Variants in RYR2 observed in about 807,000 individuals in gnomAD.
RYR2 encodes the protein ryanodine receptor 2.
Under a neutral mutation model 601.1 loss-of-function variants are expected in RYR2, and 227 were observed. The observed-to-expected ratio is 0.38, with a 90% CI of 0.34 to 0.42. The LOEUF is 0.42. RYR2 is among the 10% of genes least tolerant of loss of function. The probability of loss-of-function intolerance (pLI) is 1.00; values close to 1 mark genes in which losing one functional copy is unlikely to be tolerated. For synonymous variants in RYR2, 2,223 were observed against 2,175.1 expected (o/e 1.02, Z -0.61); for missense variants, 4,646 against 6,156.5 (o/e 0.75, Z 8.21).
intron 29 of RYR2, among the ~76,000 whole-genome samples, chr1:237,571,046 G>C (rs980195561): frequency 6.6e-6 from 1 of 152,094 alleles, no homozygotes; most frequent in Non-Finnish European, 1.5e-5. Flanking sequence ...AGGATCACTC[G>C]AGTCCAGGGA....
chr1:237,552,301 A>G (rs546872888), intron 27 of RYR2, among the ~76,000 whole-genome samples: 2 of 152,214 alleles, frequency 1.3e-5, no homozygotes, highest in Admixed American at 1.3e-4. Context: ...ATTCTCTGAT[A>G]TAGAATAAAC....
rs551140501 is a variant in RYR2 at position 237,436,454 on chromosome 1, C to CTTTTTTTTTTT, written c.1006-4851_1006-4841dup. On this transcript the variant is annotated intron_variant, in intron 12 of 104. Transcript: ENST00000366574. Reference sequence around the variant, plus strand: ...AGCCGAGGGATAATGTGTGATTTTCCTTTTTTTTTTTTTTTTTTTTTTTTG... The same window carrying CTTTTTTTTTTT: ...AGCCGAGGGATAATGTGTGATTTTCCTTTTTTTTTTTTTTTTTTTTTTTTTTTTTTTTTTTG... 4.7e-4 allele frequency among the ~76,000 whole-genome samples: 23 copies of CTTTTTTTTTTT among 48,724 alleles called. 3 individuals are homozygous for CTTTTTTTTTTT. The highest frequency in any genetic ancestry group is 7.6e-4 in the Admixed American group (3 of 3,940). 32.0% of individuals were successfully genotyped at this position (48,724 alleles called of 152,430 possible). A position where few individuals can be genotyped will look rare whatever the true frequency, so the allele number is the denominator to read the frequency against.
At chr1:237,751,351 A>G (rs2149246696) in intron 80 of RYR2, among the ~76,000 whole-genome samples, 1 of 152,332 alleles carries the variant, frequency 6.6e-6, no homozygotes, top group South Asian at 2.1e-4. Context: ...TCTAATGATG[A>G]GTCAACTTAA....
chr1:237,330,377 T>C (rs1414216697), intron 2 of RYR2, among the ~76,000 whole-genome samples: 2 of 152,220 alleles, frequency 1.3e-5, no homozygotes, highest in Non-Finnish European at 2.9e-5. Context: ...GCTGTTGTTA[T>C]CTGTGTTTTT....
At chr1:237,328,579 A>G (rs1343553391) in intron 2 of RYR2, among the ~76,000 whole-genome samples, 2 of 152,012 alleles carry the variant, frequency 1.3e-5, no homozygotes, top group Non-Finnish European at 2.9e-5. Flanking sequence ...AGGATGGCAG[A>G]AGCCAGAGAA....
intron 1 of RYR2, among the ~76,000 whole-genome samples, chr1:237,203,694 T>A (rs373400901): frequency 4.0e-5 from 6 of 150,360 alleles, no homozygotes; most frequent in South Asian, 2.1e-4. Context: ...GTAGTAAAAA[T>A]TTTTTTTTTA....
intron 1 of RYR2, among the ~76,000 whole-genome samples, chr1:237,202,481 C>G (rs1249149897): frequency 6.6e-6 from 1 of 152,130 alleles, no homozygotes; most frequent in African/African-American, 2.4e-5. Flanking sequence ...TATCTCAGCT[C>G]ACTGCAACCT....
Position 237,639,073 on chromosome 1 carries a change from G to A in RYR2, c.6987G>A (p.Glu2329=), listed in dbSNP as rs763131948. ...VVVRLLIRRP[E]CFGPALRGEG... ...TGAGATTGCTCATTCGGAGGCCTGA[G>A]TGTTTTGGTCCTGCTTTGAGAGGAG... Residue 2329 remains glutamate, a synonymous_variant, in exon 46 of 105, where the codon GAG becomes GAA. Transcript: ENST00000366574. 2.5e-6 allele frequency: 4 copies of A among 1,613,942 alleles called. No individual in the cohort carries two copies. Among genetic ancestry groups the A allele is most frequent in the South Asian group, 2.2e-5 (2 of 91,078 alleles).
intron 6 of RYR2, among the ~76,000 whole-genome samples, chr1:237,371,785 A>G (rs1700662592): frequency 6.6e-6 from 1 of 152,184 alleles, no homozygotes; most frequent in Admixed American, 6.5e-5. Context: ...TTCTCAGCAA[A>G]CTATCGCAAG....
intron 2 of RYR2, among the ~76,000 whole-genome samples, chr1:237,316,120 C>T (rs1695086912): frequency 6.6e-6 from 1 of 152,048 alleles, no homozygotes; most frequent in South Asian, 2.1e-4. Context: ...AAAATAAAAA[C>T]AACTAATTTT....
chr1:237,459,487 G>A (rs951760219), intron 16 of RYR2, among the ~76,000 whole-genome samples: 1 of 152,074 alleles, frequency 6.6e-6, no homozygotes, highest in Non-Finnish European at 1.5e-5. Context: ...TTGTTTTTTA[G>A]GTAAATCTAG....
At chr1:237,284,637 AGTGT>A (rs1558554359) in intron 2 of RYR2, among the ~76,000 whole-genome samples, 1 of 134,034 alleles carries the variant, frequency 7.5e-6, no homozygotes, top group South Asian at 2.4e-4. Context: ...ATATATGTAT[AGTGT>A]GTGTATATAT....
intron 91 of RYR2, among the ~76,000 whole-genome samples, chr1:237,787,694 A>T (rs1657803313): frequency 6.6e-6 from 1 of 151,630 alleles, no homozygotes; most frequent in African/African-American, 2.4e-5. Flanking sequence ...TCATTTTTTT[A>T]ATGTTTCATT....
intron 35 of RYR2, among the ~76,000 whole-genome samples, chr1:237,604,327 G>T (rs565818506): frequency 2.0e-5 from 3 of 152,208 alleles, no homozygotes; most frequent in Non-Finnish European, 4.4e-5. Context: ...TGACTATGGG[G>T]TACATAACAA....
chr1:237,568,302 T>C (rs940232444), intron 28 of RYR2, among the ~76,000 whole-genome samples: 2 of 152,192 alleles, frequency 1.3e-5, no homozygotes, highest in African/African-American at 4.8e-5. Context: ...TTGCTTTGCA[T>C]TGGCGACTCT....
At chr1:237,314,233 T>G (rs2149500927) in intron 2 of RYR2, among the ~76,000 whole-genome samples, 1 of 151,704 alleles carries the variant, frequency 6.6e-6, no homozygotes, top group Middle Eastern at 3.4e-3. Context: ...CCCAGCTAAT[T>G]TTTTGTATTT....
intron 1 of RYR2, among the ~76,000 whole-genome samples, chr1:237,250,635 A>G (rs1462420424): frequency 6.6e-6 from 1 of 152,166 alleles, no homozygotes; most frequent in Non-Finnish European, 1.5e-5. Flanking sequence ...AAACAGAAGC[A>G]GTTGGAAGAG....
chr1:237,425,813 T>G (rs1346227319), intron 12 of RYR2, among the ~76,000 whole-genome samples: 1 of 152,088 alleles, frequency 6.6e-6, no homozygotes, highest in Non-Finnish European at 1.5e-5. Flanking sequence ...CATGTATAAG[T>G]GGACCTGCAC....
chr1:237,273,308 A>T (rs1368277914), intron 2 of RYR2, among the ~76,000 whole-genome samples: 1 of 152,170 alleles, frequency 6.6e-6, no homozygotes, highest in Admixed American at 6.6e-5. Flanking sequence ...ATCTCACAGG[A>T]CGCAGAGCTC....
Sources: gnomAD v4.1 joint callset for allele counts (sites outside exome capture counted in the v4.1 genomes callset) on GRCh38, gnomAD v4.1.1 for gene constraint, MANE v1.5 for transcripts, NCBI Gene and HGNC (gene_info 2026-07-23, HGNC 2026-07-21) for gene names.